Variants in FBN2 observed in about 807,000 individuals in gnomAD.
FBN2 encodes fibrillin 2.
A neutral mutation model predicts 355.6 loss-of-function variants in FBN2; 105 were observed. The ratio of observed to expected loss-of-function variants is 0.30; its 90% confidence interval spans 0.25 to 0.35. The LOEUF is 0.35. Among genes scored for constraint, FBN2 ranks in the 10% least tolerant of loss-of-function variants. The probability of loss-of-function intolerance (pLI) is 1.00; values close to 1 mark genes in which losing one functional copy is unlikely to be tolerated. For missense variants in FBN2, 3,280 were observed against 3,758.7 expected, an observed-to-expected ratio of 0.87 and a Z score of 3.33; for synonymous variants, 1,350 against 1,301.2, an observed-to-expected ratio of 1.04 and a Z score of -0.81.
chr5:128,374,007 T>C (rs780667663), intron 15 of FBN2, among the ~76,000 whole-genome samples: 39 of 152,204 alleles, frequency 2.6e-4, no homozygotes, highest in Non-Finnish European at 4.7e-4. Flanking sequence ...TACTTACCTA[T>C]AACTATAATC....
intron 7 of FBN2, among the ~76,000 whole-genome samples, chr5:128,418,287 A>G (rs1753257726): frequency 6.6e-6 from 1 of 152,182 alleles, no homozygotes; most frequent in African/African-American, 2.4e-5. Flanking sequence ...ATCTTTTCAG[A>G]AAAACCAACT....
At chr5:128,307,881 A>G (rs1561761569) in intron 41 of FBN2, among the ~76,000 whole-genome samples, 1 of 152,126 alleles carries the variant, frequency 6.6e-6, no homozygotes, top group Non-Finnish European at 1.5e-5. Flanking sequence ...ACAGTATTAT[A>G]TAAAACTTAA....
At chr5:128,535,927 G>A (rs1188734912) in intron 2 of FBN2, among the ~76,000 whole-genome samples, 2 of 151,796 alleles carry the variant, frequency 1.3e-5, no homozygotes, top group African/African-American at 4.8e-5. Flanking sequence ...TCTAGGTTAT[G>A]TGGTTGTTGA....
At chr5:128,329,708 G>A (rs1750642100) in intron 33 of FBN2, among the ~76,000 whole-genome samples, 1 of 152,140 alleles carries the variant, frequency 6.6e-6, no homozygotes, top group African/African-American at 2.4e-5. Flanking sequence ...GAATAAACAT[G>A]TTTCCTTAAA....
At chr5:128,325,249 T>C (rs1478950746) in intron 34 of FBN2, among the ~76,000 whole-genome samples, 1 of 152,150 alleles carries the variant, frequency 6.6e-6, no homozygotes, top group Non-Finnish European at 1.5e-5. Flanking sequence ...CTAAGTCTCT[T>C]TGTAGGTCTC....
At chr5:128,377,946 A>T in intron 12 of FBN2, 69 bp from the exon 13 acceptor site, 2 of 1,440,928 alleles carry the variant, frequency 1.4e-6, no homozygotes, top group Non-Finnish European at 1.9e-6. Flanking sequence ...GTAAGATAAG[A>T]AATGGAATTT....
At chr5:128,419,547 T>C (rs1442138095) in intron 7 of FBN2, among the ~76,000 whole-genome samples, 3 of 152,118 alleles carry the variant, frequency 2.0e-5, no homozygotes, top group African/African-American at 4.8e-5. Flanking sequence ...GGGTATTGGC[T>C]TTTTTTCAAA....
At chr5:128,323,908 C>T (rs1750465769) in intron 34 of FBN2, among the ~76,000 whole-genome samples, 1 of 152,216 alleles carries the variant, frequency 6.6e-6, no homozygotes, top group Admixed American at 6.5e-5. Flanking sequence ...GGCTGTCAAT[C>T]TACCTGTTCC....
At chr5:128,469,681 T>A (rs187632242) in intron 5 of FBN2, among the ~76,000 whole-genome samples, 3 of 152,304 alleles carry the variant, frequency 2.0e-5, no homozygotes, top group African/African-American at 7.2e-5. Context: ...CCAGAAATTG[T>A]ACAGGTGAAC....
rs375491561 is a variant in FBN2, at chr5:128,533,447, C to A, written c.338-2754G>T. On this transcript the variant is annotated intron_variant, in intron 2 of 64. Transcript: ENST00000262464. ...CACAACAGCCTCAGACTATGGTACACTTACTGAATACGTCCCTCCCACAAT... is the reference window on the plus strand; with the variant it reads ...CACAACAGCCTCAGACTATGGTACAATTACTGAATACGTCCCTCCCACAAT... Among the ~76,000 whole-genome samples the A allele has an allele frequency of 3.7e-4, 57 of 152,304 alleles. No homozygotes were observed. In the East Asian group the frequency reaches 0.01, roughly 27 times the overall value.
intron 23 of FBN2, among the ~76,000 whole-genome samples, chr5:128,347,974 G>C (rs1019944946): frequency 3.4e-4 from 51 of 151,466 alleles, no homozygotes; most frequent in African/African-American, 1.2e-3. Flanking sequence ...AGACGGGGAG[G>C]GGGGGGTTCC....
intron 7 of FBN2, chr5:128,442,102 T>C: frequency 3.1e-6 from 1 of 326,188 alleles, no homozygotes; most frequent in African/African-American, 2.2e-5. Flanking sequence ...TTCATGAGCC[T>C]AAATAAATAT....
intron 58 of FBN2, among the ~76,000 whole-genome samples, chr5:128,277,453 A>G (rs1329988446): frequency 6.6e-6 from 1 of 152,250 alleles, no homozygotes; most frequent in African/African-American, 2.4e-5. Flanking sequence ...CATTCTCTTA[A>G]TATACACAAA....
chr5:128,371,732 C>T (rs945302559), intron 15 of FBN2, among the ~76,000 whole-genome samples: 1 of 152,086 alleles, frequency 6.6e-6, no homozygotes, highest in Admixed American at 6.6e-5. Flanking sequence ...GGGGTTTAAC[C>T]ATGTTGACCA....
Position 128,316,836 on chromosome 5 carries a change from CA to C in FBN2, c.4717+1312del, listed in dbSNP as rs150686925. ...AGCTGCCTGTTCACAGCCTTTGTTC[CA>C]AGGAGGTTTTTAAGAAATATTGAGG... On this transcript the variant is annotated intron_variant, in intron 36 of 64. Coordinates refer to ENST00000262464, the MANE Select transcript of FBN2 (RefSeq NM_001999.4). Among the ~76,000 whole-genome samples, 1,513 of 152,200 alleles carry C rather than the reference CA, an allele frequency of 9.9e-3. 23 individuals carry two copies. Among genetic ancestry groups the C allele is most frequent in the African/African-American group, 0.034 (1,426 of 41,512 alleles).
intron 2 of FBN2, among the ~76,000 whole-genome samples, chr5:128,531,722 G>A (rs200541333): frequency 0.25 from 29,254 of 116,820 alleles, 3,403 homozygotes; most frequent in African/African-American, 0.44. Flanking sequence ...ATGTATGTGT[G>A]TATATATATA....
At chr5:128,486,403 T>C (rs536968698) in intron 5 of FBN2, among the ~76,000 whole-genome samples, 38 of 152,272 alleles carry the variant, frequency 2.5e-4, no homozygotes, top group African/African-American at 8.7e-4. Context: ...TAGTCACCAT[T>C]ACCATATTAA....
Position 128,380,800 on chromosome 5 carries a change from C to T in FBN2, c.1604-1910G>A, listed in dbSNP as rs79322953. Among the ~76,000 whole-genome samples the T allele has an allele frequency of 7.4e-3, 1,128 of 152,136 alleles. 14 individuals carry two copies. Among genetic ancestry groups the T allele is most frequent in the Middle Eastern group, 0.031 (9 of 294 alleles). ...CCTCTTTATTCTGAGTCTCACAGTC[C>T]TGGACCTCCAAGAGACCATGTTCGT... On this transcript the variant is annotated intron_variant, in intron 11 of 64. Transcript: ENST00000262464.
At chr5:128,285,902 A>T (rs1418009595) in intron 55 of FBN2, among the ~76,000 whole-genome samples, 2 of 152,244 alleles carry the variant, frequency 1.3e-5, no homozygotes, top group Non-Finnish European at 2.9e-5. Flanking sequence ...TAAACATAGC[A>T]CATACATACA....
Sources: allele counts gnomAD v4.1 joint callset (sites outside exome capture counted in the v4.1 genomes callset), GRCh38; gene constraint gnomAD v4.1.1; transcripts MANE v1.5; gene names NCBI Gene and HGNC (gene_info 2026-07-23, HGNC 2026-07-21).